NRXN1: variants seen among roughly 807,000 people sequenced by gnomAD.
NRXN1 encodes the protein neurexin 1, also known as neurexin-1.
NRXN1 carries 39 observed loss-of-function variants against 150.9 expected under a neutral mutation model. The observed-to-expected ratio is 0.26, with a 90% CI of 0.20 to 0.34. The LOEUF (loss-of-function observed/expected upper bound fraction) is 0.34. NRXN1 is among the 10% of genes least tolerant of loss of function. The pLI, the probability that NRXN1 is intolerant of heterozygous loss-of-function variation, is 1.00. For missense variants in NRXN1, 1,815 were observed against 1,949.9 expected (o/e 0.93, Z 1.30); for synonymous variants, 924 against 757.0 (o/e 1.22, Z -3.62).
intron 18 of NRXN1, among the ~76,000 whole-genome samples, chr2:50,122,998 A>G (rs1269572900): frequency 6.6e-6 from 1 of 152,198 alleles, no homozygotes; most frequent in Non-Finnish European, 1.5e-5. Flanking sequence ...AGAGCGATAG[A>G]TACTAAAGTA....
chr2:49,996,401 G>C (rs1488567656), intron 21 of NRXN1, among the ~76,000 whole-genome samples: 1 of 152,130 alleles, frequency 6.6e-6, no homozygotes, highest in Non-Finnish European at 1.5e-5. Flanking sequence ...GAGGAGGACA[G>C]GAATGGAAAG....
At chr2:51,021,177 T>C (rs1669547693) in intron 2 of NRXN1, among the ~76,000 whole-genome samples, 1 of 152,002 alleles carries the variant, frequency 6.6e-6, no homozygotes, top group Non-Finnish European at 1.5e-5. Flanking sequence ...ATAAAAATAA[T>C]TTATTCTGAA....
rs753131059 is a variant in NRXN1, at chr2:50,929,573, G to T, written c.773-3618C>A. Among the ~76,000 whole-genome samples the T allele has an allele frequency of 6.6e-5, 10 of 152,050 alleles. No homozygotes were observed. In the East Asian group the frequency reaches 1.4e-3, roughly 21 times the overall value. On this transcript the variant is annotated intron_variant, in intron 2 of 22. Transcript: ENST00000401669. ...CCTCCATCAAAACTGCCACTACTGC[G>T]AGTAGCTTCTGTCCCAGATACCAGC... is the stretch of plus-strand genomic sequence containing the variant.
chr2:50,534,122 CACACACAT>C (rs999970523), intron 10 of NRXN1, among the ~76,000 whole-genome samples: 3 of 151,642 alleles, frequency 2.0e-5, no homozygotes, highest in Admixed American at 2.0e-4. Flanking sequence ...CACACACACA[CACACACAT>C]ACACACACAG....
intron 5 of NRXN1, among the ~76,000 whole-genome samples, chr2:50,731,952 T>G (rs2105206887): frequency 6.6e-6 from 1 of 152,268 alleles, no homozygotes; most frequent in Middle Eastern, 3.4e-3. Context: ...AAGGCAAATT[T>G]AAGTCTTATT....
chr2:50,752,741 C>T (rs1051842499), intron 5 of NRXN1, among the ~76,000 whole-genome samples: 2 of 151,718 alleles, frequency 1.3e-5, no homozygotes, highest in African/African-American at 4.8e-5. Context: ...TCCAAGGCAT[C>T]CATTTTACTT....
chr2:50,066,316 A>G (rs1253677585), intron 19 of NRXN1, among the ~76,000 whole-genome samples: 1 of 152,214 alleles, frequency 6.6e-6, no homozygotes, highest in Non-Finnish European at 1.5e-5. Context: ...ACAAATGAGG[A>G]AAGTTAAAAA....
intron 18 of NRXN1, among the ~76,000 whole-genome samples, chr2:50,150,522 A>G (rs2058635582): frequency 6.6e-6 from 1 of 151,786 alleles, no homozygotes; most frequent in Non-Finnish European, 1.5e-5. Context: ...AAAGTATATT[A>G]CTGCTAAATG....
intron 8 of NRXN1, among the ~76,000 whole-genome samples, chr2:50,566,793 C>T (rs577152821): frequency 5.3e-4 from 80 of 152,100 alleles, no homozygotes; most frequent in Non-Finnish European, 7.1e-4. Flanking sequence ...ATCACAGATG[C>T]GATTCTAGTG....
At chr2:50,926,045 T>C (rs948276462) in intron 2 of NRXN1, 90 bp from the exon 3 acceptor site, 7 of 971,952 alleles carry the variant, frequency 7.2e-6, no homozygotes, top group African/African-American at 3.2e-5. Context: ...GTCTTCCTCA[T>C]GCAAGGCACC....
chr2:50,579,329 C>T (rs1671903016), intron 8 of NRXN1, among the ~76,000 whole-genome samples: 1 of 152,096 alleles, frequency 6.6e-6, no homozygotes, highest in South Asian at 2.1e-4. Context: ...TATTAGACTC[C>T]TAAGGAGACA....
At chr2:50,408,659 G>A (rs918563936) in intron 17 of NRXN1, among the ~76,000 whole-genome samples, 1 of 152,114 alleles carries the variant, frequency 6.6e-6, no homozygotes, top group Non-Finnish European at 1.5e-5. Flanking sequence ...GTGTGTATGT[G>A]TGTGTGTATG....
intron 5 of NRXN1, among the ~76,000 whole-genome samples, chr2:50,894,780 AG>A (rs2103874534): frequency 6.6e-6 from 1 of 152,302 alleles, no homozygotes; most frequent in South Asian, 2.1e-4. Flanking sequence ...ATATCATTTG[AG>A]GAATGCTGTT....
At chr2:50,595,243 T>A (rs1674972020) in intron 8 of NRXN1, among the ~76,000 whole-genome samples, 1 of 151,976 alleles carries the variant, frequency 6.6e-6, no homozygotes, top group Non-Finnish European at 1.5e-5. Context: ...TGTGACCTGA[T>A]TTGACAGAAA....
chr2:50,768,547 T>A (rs1056106309), intron 5 of NRXN1, among the ~76,000 whole-genome samples: 1 of 151,864 alleles, frequency 6.6e-6, no homozygotes, highest in African/African-American at 2.4e-5. Context: ...GCTCAAGTGA[T>A]CTGCCCATGT....
intron 15 of NRXN1, among the ~76,000 whole-genome samples, chr2:50,489,360 T>C (rs560515384): frequency 6.6e-6 from 1 of 152,264 alleles, no homozygotes; most frequent in South Asian, 2.1e-4. Context: ...AATCTCCATC[T>C]TGGGCCTGTG....
intron 5 of NRXN1, among the ~76,000 whole-genome samples, chr2:50,682,754 G>C (rs751654861): frequency 6.6e-6 from 1 of 152,080 alleles, no homozygotes; most frequent in East Asian, 1.9e-4. Context: ...AACAGTACGT[G>C]TCACATTCTA....
chr2:50,583,290 C>T (rs755134746), intron 8 of NRXN1, among the ~76,000 whole-genome samples: 5 of 152,124 alleles, frequency 3.3e-5, no homozygotes, highest in Non-Finnish European at 7.4e-5. Context: ...GATCCTCTTG[C>T]CTCAGCCTCC....
At chr2:50,592,311 G>A (rs1194817766) in intron 8 of NRXN1, among the ~76,000 whole-genome samples, 2 of 152,238 alleles carry the variant, frequency 1.3e-5, no homozygotes, top group East Asian at 3.9e-4. Context: ...CAGGGCAAAT[G>A]ACACCAGAGT....
Sources: gnomAD v4.1 joint callset for allele counts (sites outside exome capture counted in the v4.1 genomes callset) on GRCh38, gnomAD v4.1.1 for gene constraint, MANE v1.5 for transcripts, NCBI Gene and HGNC (gene_info 2026-07-23, HGNC 2026-07-21) for gene names.